The following PSD3 variants were observed in gnomAD, a reference collection of about 807,000 sequenced individuals.
The protein encoded by PSD3 is pleckstrin and Sec7 domain containing 3, also known as PH and SEC7 domain-containing protein 3.
PSD3 carries 49 observed loss-of-function variants against 105.5 expected under a neutral mutation model. The ratio of observed to expected loss-of-function variants is 0.46; its 90% CI spans 0.37 to 0.59. The LOEUF is 0.59. Ranked by LOEUF, PSD3 falls within the 20% of genes least tolerant of loss-of-function variation. The pLI is 0.00. For missense variants in PSD3, 1,561 were observed against 1,263.8 expected (o/e 1.24, Z -3.57); for synonymous variants, 557 against 457.8 (o/e 1.22, Z -2.77).
chr8:19,004,174 CAGG>C (rs979333420), intron 1 of PSD3, among the ~76,000 whole-genome samples: 3 of 151,978 alleles, frequency 2.0e-5, no homozygotes, highest in Non-Finnish European at 4.4e-5. Flanking sequence ...CTGTCTAATC[CAGG>C]AGGAGAAGAC....
intron 1 of PSD3, among the ~76,000 whole-genome samples, chr8:18,980,095 T>G (rs1272290606): frequency 1.3e-5 from 2 of 152,220 alleles, no homozygotes; most frequent in Admixed American, 1.3e-4. Context: ...CAATCTCATA[T>G]GGAAATCAAA....
chr8:18,685,436 A>G (rs538678284), intron 9 of PSD3, among the ~76,000 whole-genome samples: 1 of 150,380 alleles, frequency 6.6e-6, no homozygotes, highest in African/African-American at 2.4e-5. Context: ...TTAACTTTTC[A>G]TCTCCTATTT....
At chr8:18,804,471 A>C in intron 6 of PSD3, 51 bp downstream of exon 6, 1 of 1,450,772 alleles carries the variant, frequency 6.9e-7, no homozygotes, top group African/African-American at 1.4e-5. Context: ...TTCTTCTCTA[A>C]GAACTAATCA....
At chr8:18,808,900 C>A (rs1811438474) in intron 4 of PSD3, 1 of 1,559,182 alleles carries the variant, frequency 6.4e-7, no homozygotes, top group Non-Finnish European at 8.6e-7. Flanking sequence ...GAACCTGGCT[C>A]CCTGTGAGGT....
intron 1 of PSD3, among the ~76,000 whole-genome samples, chr8:19,070,981 C>A (rs75107502): frequency 0.045 from 6,906 of 151,916 alleles, 208 homozygotes; most frequent in African/African-American, 0.084. Context: ...TCAAAGAGTT[C>A]TTGAGTGTCA....
chr8:18,752,163 T>C (rs1805546992), intron 9 of PSD3, among the ~76,000 whole-genome samples: 1 of 151,952 alleles, frequency 6.6e-6, no homozygotes, highest in Non-Finnish European at 1.5e-5. Flanking sequence ...ATCATAGGTA[T>C]AGCTCCTCTC....
At chr8:18,599,747 T>C (rs1804296544) in intron 12 of PSD3, among the ~76,000 whole-genome samples, 1 of 152,154 alleles carries the variant, frequency 6.6e-6, no homozygotes, top group South Asian at 2.1e-4. Flanking sequence ...ACTTTTCTTA[T>C]ATGTGGATTC....
chr8:18,957,935 T>C (rs893213111), intron 1 of PSD3, among the ~76,000 whole-genome samples: 7 of 152,048 alleles, frequency 4.6e-5, no homozygotes, highest in East Asian at 1.9e-4. Flanking sequence ...ACTGTTAGAG[T>C]GTAAGGAGGT....
At chr8:18,857,430 T>C (rs999328687) in intron 4 of PSD3, among the ~76,000 whole-genome samples, 1 of 152,056 alleles carries the variant, frequency 6.6e-6, no homozygotes, top group Non-Finnish European at 1.5e-5. Context: ...CACCTGGGAG[T>C]AGCAAGGTGT....
chr8:18,975,266 C>T (rs1457034110), intron 1 of PSD3, among the ~76,000 whole-genome samples: 1 of 151,898 alleles, frequency 6.6e-6, no homozygotes, highest in African/African-American at 2.4e-5. Context: ...TAAAAGAACA[C>T]CAAGTTTCTG....
rs144179628 is a variant in PSD3, at chr8:18,765,773, C to T, written c.2083-235G>A. On this transcript the variant is annotated intron_variant, in intron 8 of 15. Coordinates refer to ENST00000327040, the MANE Select transcript of PSD3 (RefSeq NM_015310.4). ...TGTTTAGCAGAAAGCCCGTCCACTACTAACATGTTTAGTAAAAACCCCGTC... is the reference window on the plus strand; with the variant it reads ...TGTTTAGCAGAAAGCCCGTCCACTATTAACATGTTTAGTAAAAACCCCGTC... Among the ~76,000 whole-genome samples the T allele has an allele frequency of 4.9e-3, 751 of 152,106 alleles. 23 individuals are homozygous for T. Among genetic ancestry groups the T allele is most frequent in the Admixed American group, 0.035 (533 of 15,278 alleles).
chr8:18,751,556 G>C (rs1459484315), intron 9 of PSD3, among the ~76,000 whole-genome samples: 1 of 151,642 alleles, frequency 6.6e-6, no homozygotes, highest in East Asian at 1.9e-4. Context: ...CAGGCACAAA[G>C]TGAAATGATC....
At chr8:18,919,581 G>C (rs779047980) in intron 2 of PSD3, among the ~76,000 whole-genome samples, 2 of 151,906 alleles carry the variant, frequency 1.3e-5, no homozygotes, top group Non-Finnish European at 2.9e-5. Context: ...AAGGTGGGGC[G>C]GGGCAGGACT....
chr8:19,026,680 C>A (rs894898153), intron 1 of PSD3, among the ~76,000 whole-genome samples: 2 of 106,308 alleles, frequency 1.9e-5, no homozygotes, highest in African/African-American at 7.5e-5. Flanking sequence ...GCCTGAGCAA[C>A]ATAGCAAGAC....
Position 18,872,491 on chromosome 8 carries a change from C to G in PSD3, c.373G>C (p.Glu125Gln), listed in dbSNP as rs747906380. The change falls in exon 3 of 16, where the codon GAA becomes CAA. Residue 125 changes from glutamate to glutamine, a missense_variant. Physicochemically the swap from Glu to Gln is conservative, Grantham distance 29 (BLOSUM62 2). Transcript: ENST00000327040. The part of the protein sequence containing the change: ...REAPSQSHLK[E>Q]QSLQPIDSLI... ...GAGTCAATGGGCTGTAAACTTTGTT[C>G]CTTGAGATGACTTTGAGAGGGGGCC... 19 of 1,613,938 alleles carry G rather than the reference C, an allele frequency of 1.2e-5. No individual in the cohort carries two copies. The highest frequency in any genetic ancestry group is 1.5e-5 in the Non-Finnish European group (18 of 1,180,018).
chr8:18,922,396 T>C (rs977844203), intron 2 of PSD3, among the ~76,000 whole-genome samples: 4 of 152,220 alleles, frequency 2.6e-5, no homozygotes, highest in African/African-American at 9.6e-5. Context: ...GCAGCAAGTC[T>C]GTGGAGATTA....
At chr8:19,047,583 C>T (rs1563529360) in intron 1 of PSD3, among the ~76,000 whole-genome samples, 1 of 152,050 alleles carries the variant, frequency 6.6e-6, no homozygotes, top group East Asian at 1.9e-4. Flanking sequence ...GGGAGGGAAA[C>T]ACAATCTTTG....
intron 1 of PSD3, among the ~76,000 whole-genome samples, chr8:19,002,775 T>G (rs1826472484): frequency 6.6e-6 from 1 of 152,068 alleles, no homozygotes; most frequent in Admixed American, 6.6e-5. Context: ...TCCACATATT[T>G]TGATCTGAGG....
chr8:18,966,259 A>G (rs919448095), intron 1 of PSD3, among the ~76,000 whole-genome samples: 2 of 152,124 alleles, frequency 1.3e-5, no homozygotes, highest in African/African-American at 4.8e-5. Context: ...CCACACCTAT[A>G]CTAGGCTGTC....
Sources: allele counts gnomAD v4.1 joint callset (sites outside exome capture counted in the v4.1 genomes callset), GRCh38; gene constraint gnomAD v4.1.1; transcripts MANE v1.5; gene names NCBI Gene and HGNC (gene_info 2026-07-23, HGNC 2026-07-21).